Variants in NSD2 observed in about 807,000 individuals in gnomAD.
NSD2 encodes histone-lysine N-methyltransferase NSD2.
Under a neutral mutation model 139.0 loss-of-function variants are expected in NSD2, and 12 were observed. The ratio of observed to expected loss-of-function variants is 0.09; its 90% confidence interval spans 0.06 to 0.14. NSD2 has a LOEUF of 0.14. Among genes scored for constraint, NSD2 ranks in the 10% least tolerant of loss-of-function variants. The pLI is 1.00. For missense variants in NSD2, 1,155 were observed against 1,745.0 expected (o/e 0.66, Z 6.02); for synonymous variants, 669 against 648.7 (o/e 1.03, Z -0.48).
At chr4:1,954,412 G>C (rs1724600714) in intron 12 of NSD2, 1 of 152,328 alleles carries the variant, frequency 6.6e-6, no homozygotes, top group African/African-American at 2.4e-5. Flanking sequence ...GCTCAAGCTA[G>C]AATGCAGTGG....
intron 2 of NSD2, among the ~76,000 whole-genome samples, chr4:1,903,525 A>T (rs1026126871): frequency 1.3e-5 from 2 of 152,146 alleles, no homozygotes; most frequent in African/African-American, 4.8e-5. Flanking sequence ...CTGAGAACTG[A>T]TCGTCAGACA....
chr4:1,879,206 A>ATTATT (rs577920073), intron 1 of NSD2, among the ~76,000 whole-genome samples: 37 of 151,886 alleles, frequency 2.4e-4, no homozygotes, highest in East Asian at 1.9e-4. Flanking sequence ...ACTTTTTAAA[A>ATTATT]TTATTTTATT....
intron 18 of NSD2, among the ~76,000 whole-genome samples, chr4:1,961,788 G>T (rs957051646): frequency 3.3e-5 from 5 of 152,236 alleles, no homozygotes; most frequent in Non-Finnish European, 7.3e-5. Context: ...ACAGCCCTGT[G>T]GGGGTGCGTG....
intron 18 of NSD2, among the ~76,000 whole-genome samples, chr4:1,964,499 G>A (rs1490389320): frequency 6.6e-6 from 1 of 152,186 alleles, no homozygotes; most frequent in Non-Finnish European, 1.5e-5. Flanking sequence ...CATGTTCTTG[G>A]AGCACCTCGC....
intron 1 of NSD2, among the ~76,000 whole-genome samples, chr4:1,885,201 C>A (rs1017003472): frequency 2.6e-5 from 4 of 152,054 alleles, no homozygotes; most frequent in African/African-American, 9.7e-5. Flanking sequence ...CACTATCTAC[C>A]TTTTTAGGCT....
chr4:1,952,545 G>A (rs1033847222), intron 11 of NSD2, among the ~76,000 whole-genome samples: 4 of 152,182 alleles, frequency 2.6e-5, no homozygotes, highest in Non-Finnish European at 4.4e-5. Context: ...TGTGTGAGGC[G>A]GCCACCACAG....
rs951070622 is a variant in NSD2 at position 1,980,235 on chromosome 4, A to G, written c.*1326A>G. 2.6e-5 allele frequency: 6 copies of G among 233,004 alleles called. No individual in the cohort carries two copies. The highest frequency in any genetic ancestry group is 1.7e-4 in the Admixed American group (3 of 17,776). The allele number at this position is 233,004 out of a possible 1,614,324, so 14.4% of individuals were successfully genotyped here. ...GGTCCAGTTCTACAGAGTGAGACCT[A>G]TCTATCTGAGTACTACATATGTTTT... is the stretch of plus-strand genomic sequence containing the variant. On this transcript the variant is annotated 3_prime_UTR_variant, in exon 22 of 22. Coordinates refer to ENST00000508803, the MANE Select transcript of NSD2 (RefSeq NM_001042424.3).
intron 5 of NSD2, among the ~76,000 whole-genome samples, chr4:1,927,287 TA>T (rs1482408872): frequency 6.6e-6 from 1 of 152,124 alleles, no homozygotes; most frequent in African/African-American, 2.4e-5. Flanking sequence ...TGCACTATGT[TA>T]TTGACTACGC....
At chr4:1,874,883 C>T (rs540571121) in intron 1 of NSD2, among the ~76,000 whole-genome samples, 1 of 152,208 alleles carries the variant, frequency 6.6e-6, no homozygotes, top group South Asian at 2.1e-4. Flanking sequence ...TGGTTATTTA[C>T]AGCGAGTACT....
rs116613038 is a variant in NSD2 at position 1,930,153 on chromosome 4, G to A, written c.1411-473G>A. 3.2e-3 allele frequency among the ~76,000 whole-genome samples: 489 copies of A among 152,238 alleles called. 3 individuals are homozygous for A. Among genetic ancestry groups the A allele is most frequent in the African/African-American group, 0.011 (457 of 41,530 alleles). On this transcript the variant is annotated intron_variant, in intron 5 of 21. Transcript: ENST00000508803. ...CCTGGGCTGTGACAGAAGCCAGCTC[G>A]CACTCCTTGGTGTGTGCCTTCACCC...
chr4:1,883,631 C>CA (rs558413845), intron 1 of NSD2, among the ~76,000 whole-genome samples: 7,075 of 74,002 alleles, frequency 0.096, 216 homozygotes, highest in African/African-American at 0.15. Context: ...ACTTTGTTTC[C>CA]AAAAAAAAAA....
At chr4:1,883,039 A>G (rs1714817614) in intron 1 of NSD2, among the ~76,000 whole-genome samples, 1 of 152,130 alleles carries the variant, frequency 6.6e-6, no homozygotes, top group Non-Finnish European at 1.5e-5. Context: ...GGACAGGCCT[A>G]GCTAGGAAGG....
intron 1 of NSD2, among the ~76,000 whole-genome samples, chr4:1,891,863 A>C (rs557077029): frequency 2.8e-4 from 43 of 150,944 alleles, no homozygotes; most frequent in East Asian, 1.7e-3. Context: ...TCTCAAAAAA[A>C]AAAAAAAACA....
chr4:1,974,406 G>A lies in NSD2; in HGVS notation c.3373-457G>A, dbSNP rs1284082134. Reference sequence around the variant, plus strand: ...TTTTTGTATTTTTAGTAGAGATGGGGGTTCACCATGTTGGCTAGTCTGGTC... The same window carrying A: ...TTTTTGTATTTTTAGTAGAGATGGGAGTTCACCATGTTGGCTAGTCTGGTC... On this transcript the variant is annotated intron_variant, in intron 18 of 21. Coordinates refer to ENST00000508803, the MANE Select transcript of NSD2 (RefSeq NM_001042424.3). This position sits in a 1 kb window ranked among gnomAD's most constrained non-coding sequence, Gnocchi z 4.0. 6.6e-6 allele frequency among the ~76,000 whole-genome samples: 1 copy of A among 152,114 alleles called. No individual in the cohort carries two copies. Among genetic ancestry groups the A allele is most frequent in the Non-Finnish European group, 1.5e-5 (1 of 68,030 alleles).
At chr4:1,916,203 G>A (rs962485713) in intron 3 of NSD2, among the ~76,000 whole-genome samples, 1 of 152,148 alleles carries the variant, frequency 6.6e-6, no homozygotes, top group African/African-American at 2.4e-5. Context: ...CCCAGGTTGT[G>A]TGATGTCCGT....
chr4:1,889,647 A>G (rs1430939330), intron 1 of NSD2, among the ~76,000 whole-genome samples: 1 of 151,860 alleles, frequency 6.6e-6, no homozygotes, highest in East Asian at 1.9e-4. Flanking sequence ...GATTACAGGC[A>G]TGTGCTACCA....
chr4:1,879,824 T>TTGTG (rs140755867), intron 1 of NSD2, among the ~76,000 whole-genome samples: 2,771 of 144,116 alleles, frequency 0.019, 50 homozygotes, highest in Middle Eastern at 0.058. Flanking sequence ...CCCATGGCAC[T>TTGTG]TGTGTGTGTG....
intron 19 of NSD2, 108 bp from the exon 20 acceptor site, chr4:1,975,186 C>T (rs1045877694): frequency 7.1e-7 from 1 of 1,403,888 alleles, no homozygotes; most frequent in Non-Finnish European, 9.9e-7. Context: ...CAAGCCAGTA[C>T]AGATACAAAA....
At position 1,930,670 on chromosome 4, in the gene NSD2, G is replaced by C. The variant is rs536667286; in HGVS notation, c.1455G>C (p.Glu485Asp). The stretch of plus-strand genomic sequence containing the variant: ...ATGCTTCAGGTGAGGAGATTGAAGA[G>C]CTGCTCAGGTCACAGTGGAGTCTGC... ...HPDASGEEIE[E>D]LLRSQWSLLS... The change falls in exon 6 of 22, where the codon GAG becomes GAC. Residue 485 changes from glutamate to aspartate, a missense_variant. This residue lies in a region of NSD2 where 420 missense variants were observed against 469.0 expected (regional missense o/e 0.90). Transcript: ENST00000508803. 1.9e-6 allele frequency: 3 copies of C among 1,613,680 alleles called. No individual in the cohort carries two copies. Among genetic ancestry groups the C allele is most frequent in the African/African-American group, 1.3e-5 (1 of 75,036 alleles).
Sources: allele counts gnomAD v4.1 joint callset (sites outside exome capture counted in the v4.1 genomes callset), GRCh38; gene constraint gnomAD v4.1.1; regional missense constraint gnomAD v4.1.1; non-coding constraint Gnocchi (gnomAD v3.1); transcripts MANE v1.5; gene names NCBI Gene and HGNC (gene_info 2026-07-23, HGNC 2026-07-21).